Variants in GLMN observed in about 807,000 individuals in gnomAD.
The protein encoded by GLMN is glomulin.
Under a neutral mutation model 87.8 loss-of-function variants are expected in GLMN, and 75 were observed. That is an observed-to-expected ratio of 0.85 (90% CI 0.71 to 1.04). The LOEUF (loss-of-function observed/expected upper bound fraction) is 1.04, where lower values mean the gene tolerates loss of function less well. Ranked by LOEUF, GLMN falls within the 50% of genes least tolerant of loss-of-function variation. The pLI, the probability that GLMN is intolerant of heterozygous loss-of-function variation, is 0.00. For synonymous variants in GLMN, 206 were observed against 221.6 expected (o/e 0.93, Z 0.63); for missense variants, 588 against 658.8 (o/e 0.89, Z 1.18).
At chr1:92,301,011 GT>G (rs1213540806), upstream of GLMN, among the ~76,000 whole-genome samples, 1 of 152,238 alleles carries the variant, frequency 6.6e-6, no homozygotes, top group African/African-American at 2.4e-5. Flanking sequence ...GTCTAATTTA[GT>G]TGGAGGTGGG....
At chr1:92,280,917 A>T (rs537284599) in intron 7 of GLMN, among the ~76,000 whole-genome samples, 4 of 152,304 alleles carry the variant, frequency 2.6e-5, no homozygotes, top group Non-Finnish European at 5.9e-5. Flanking sequence ...AAGATTAGAG[A>T]AAAAAGAGTG....
At chr1:92,339,024 T>C in the GLMN span, among the ~76,000 whole-genome samples, 5 of 152,204 alleles carry the variant, frequency 3.3e-5, no homozygotes, top group African/African-American at 1.2e-4. Context: ...AAGATGAGAA[T>C]AAGCCCTATG....
chr1:92,280,164 G>A (rs1360878958), intron 7 of GLMN, among the ~76,000 whole-genome samples: 2 of 152,190 alleles, frequency 1.3e-5, no homozygotes, highest in Non-Finnish European at 2.9e-5. Context: ...TCCTCAAGCG[G>A]GTCCCTGACC....
At chr1:92,285,059 T>C (rs1003175786) in intron 7 of GLMN, among the ~76,000 whole-genome samples, 3 of 152,162 alleles carry the variant, frequency 2.0e-5, no homozygotes, top group African/African-American at 4.8e-5. Flanking sequence ...AGTGTGGCGA[T>C]TCCTCAAGGA....
chr1:92,303,713 T>C (rs1651020889), upstream of GLMN, among the ~76,000 whole-genome samples: 1 of 152,224 alleles, frequency 6.6e-6, no homozygotes, highest in Admixed American at 6.5e-5. Flanking sequence ...AATTATTTCA[T>C]TTAACTATAT....
the GLMN span, among the ~76,000 whole-genome samples, chr1:92,309,899 T>C: frequency 2.0e-3 from 309 of 152,296 alleles, 3 homozygotes; most frequent in African/African-American, 6.7e-3. Context: ...CCCTCAAGTA[T>C]TGGGGAGCCA....
intron 16 of GLMN, among the ~76,000 whole-genome samples, chr1:92,252,666 A>G (rs1653675578): frequency 6.6e-6 from 1 of 152,190 alleles, no homozygotes; most frequent in Non-Finnish European, 1.5e-5. Flanking sequence ...AGCTGTGAGA[A>G]TAAGAATATT....
chr1:92,316,213 T>C, the GLMN span, among the ~76,000 whole-genome samples: 2 of 152,050 alleles, frequency 1.3e-5, no homozygotes, highest in Non-Finnish European at 2.9e-5. Context: ...TGGTCCAGAG[T>C]AGGGGATTTC....
the GLMN span, among the ~76,000 whole-genome samples, chr1:92,317,077 CTT>C: frequency 6.6e-6 from 1 of 152,082 alleles, no homozygotes. Flanking sequence ...TTTTTTGGGT[CTT>C]TTTCTAACAC....
At chr1:92,285,704 T>G (rs1648670247) in intron 7 of GLMN, among the ~76,000 whole-genome samples, 1 of 152,184 alleles carries the variant, frequency 6.6e-6, no homozygotes, top group Non-Finnish European at 1.5e-5. Context: ...CCACCCTAAT[T>G]CAACCAAATG....
the GLMN span, among the ~76,000 whole-genome samples, chr1:92,334,664 AT>A: frequency 2.0e-5 from 3 of 152,066 alleles, no homozygotes; most frequent in Non-Finnish European, 4.4e-5. Context: ...CCTGGGCAGC[AT>A]AGTAAGACCA....
intron 8 of GLMN, 147 bp from the exon 9 acceptor site, chr1:92,269,923 T>C (rs1255856049): frequency 4.7e-6 from 3 of 633,302 alleles, no homozygotes; most frequent in Non-Finnish European, 8.6e-6. Flanking sequence ...TTGACCTTAT[T>C]TGGAGATAGG....
chr1:92,264,719 A>T (rs1570886542), intron 13 of GLMN, 81 bp from the exon 14 acceptor site: 1 of 805,670 alleles, frequency 1.2e-6, no homozygotes, highest in Non-Finnish European at 2.2e-6. Context: ...TTACAAATTC[A>T]AAGAGGCCAT....
the GLMN span, among the ~76,000 whole-genome samples, chr1:92,369,468 C>T: frequency 6.6e-6 from 1 of 152,154 alleles, no homozygotes; most frequent in Admixed American, 6.5e-5. Context: ...CCACACTCAA[C>T]TAATTTTTTT....
the GLMN span, among the ~76,000 whole-genome samples, chr1:92,369,176 T>A: frequency 1.1e-3 from 162 of 152,354 alleles, 2 homozygotes; most frequent in South Asian, 0.012. Context: ...ATTATTTTAA[T>A]AAGTATTTCC....
chr1:92,335,608 A>T, the GLMN span, among the ~76,000 whole-genome samples: 1 of 152,166 alleles, frequency 6.6e-6, no homozygotes, highest in Non-Finnish European at 1.5e-5. Flanking sequence ...ATATATATGA[A>T]GTACAATGGT....
intron 7 of GLMN, among the ~76,000 whole-genome samples, chr1:92,278,549 A>T (rs1025623534): frequency 3.3e-5 from 5 of 152,180 alleles, no homozygotes; most frequent in Non-Finnish European, 7.4e-5. Context: ...ATTGGCTCTC[A>T]TCTGAAAACA....
chr1:92,351,512 T>C, the GLMN span, among the ~76,000 whole-genome samples: 14 of 152,118 alleles, frequency 9.2e-5, no homozygotes, highest in African/African-American at 3.1e-4. Flanking sequence ...AACTGGTATT[T>C]TGAGAAGATT....
chr1:92,350,416 A>C, the GLMN span, among the ~76,000 whole-genome samples: 5 of 152,310 alleles, frequency 3.3e-5, no homozygotes, highest in African/African-American at 1.2e-4. Flanking sequence ...TAACCTGATA[A>C]TTGCTCAGAT....
Sources: gnomAD v4.1 joint callset for allele counts (sites outside exome capture counted in the v4.1 genomes callset) on GRCh38, gnomAD v4.1.1 for gene constraint, MANE v1.5 for transcripts, NCBI Gene and HGNC (gene_info 2026-07-23, HGNC 2026-07-21) for gene names.